ABCB5: variants seen among roughly 807,000 people sequenced by gnomAD.
ABCB5 encodes ATP binding cassette subfamily B member 5.
In ABCB5, 155 loss-of-function variants were observed where a neutral mutation model predicts 144.2. The ratio of observed to expected loss-of-function variants is 1.08; its 90% CI spans 0.94 to 1.23. The LOEUF is 1.23. Among genes scored for constraint, ABCB5 ranks in the 50% most tolerant of loss-of-function variants. The pLI is 0.00. For missense variants in ABCB5, 1,830 were observed against 1,520.8 expected (o/e 1.20, Z -3.38); for synonymous variants, 610 against 528.6 (o/e 1.15, Z -2.11).
intron 20 of ABCB5, among the ~76,000 whole-genome samples, chr7:20,706,537 C>A (rs774684491): frequency 2.1e-4 from 32 of 152,160 alleles, no homozygotes; most frequent in Non-Finnish European, 4.3e-4. Context: ...TGATTATAAG[C>A]ACCTGACTAA....
At chr7:20,640,202 A>G (rs77319515) in intron 5 of ABCB5, among the ~76,000 whole-genome samples, 2,480 of 152,308 alleles carry the variant, frequency 0.016, 59 homozygotes, top group African/African-American at 0.056. Context: ...TAAATTATTT[A>G]TGATAGTTAA....
At chr7:20,648,662 T>A (rs1385483514) in intron 11 of ABCB5, among the ~76,000 whole-genome samples, 1 of 152,210 alleles carries the variant, frequency 6.6e-6, no homozygotes. Context: ...TGTTAAAGAT[T>A]GCACAAGGCG....
chr7:20,728,470 TA>T lies in ABCB5; in HGVS notation c.2867+16del, dbSNP rs765806601. The T allele has an allele frequency of 6.2e-6, 10 of 1,613,410 alleles. No individual in the cohort carries two copies. The South Asian group carries it at 1.1e-4, about 18-fold the overall frequency. ...GGCATGTTCATGTAAGTCGTGGAAATAGTCCGGACCTGGTAGCTCACACCTG... is the reference window on the plus strand; with the variant it reads ...GGCATGTTCATGTAAGTCGTGGAAATGTCCGGACCTGGTAGCTCACACCTG... On this transcript the variant is annotated intron_variant, in intron 23 of 27. Coordinates refer to ENST00000404938, the MANE Select transcript of ABCB5 (RefSeq NM_001163941.2).
rs1425842089 is a variant in ABCB5 at position 20,618,905 on chromosome 7, G to A, written c.-22+3068G>A. ...TTCTCCTGCCTCAGCCACCCAAGTA[G>A]CTGAGACTACAGGCATGTACCACCA... On this transcript the variant is annotated intron_variant, in intron 1 of 27. Transcript: ENST00000404938. 2.0e-5 allele frequency among the ~76,000 whole-genome samples: 3 copies of A among 147,722 alleles called. No individual in the cohort carries two copies. The Middle Eastern group carries it at 0.011, about 524-fold the overall frequency.
chr7:20,644,550 T>C (rs1784362558), intron 7 of ABCB5, among the ~76,000 whole-genome samples: 1 of 152,244 alleles, frequency 6.6e-6, no homozygotes, highest in South Asian at 2.1e-4. Context: ...TGTAATCTTA[T>C]CTACAGCCTG....
chr7:20,755,351 C>T, intron 27 of ABCB5, 76 bp from the exon 28 acceptor site: 2 of 1,337,852 alleles, frequency 1.5e-6, no homozygotes, highest in Middle Eastern at 2.0e-4. Flanking sequence ...TATTAGACTA[C>T]CTTAATTGAT....
intron 16 of ABCB5, among the ~76,000 whole-genome samples, chr7:20,696,942 C>T (rs79294315): frequency 1.6e-3 from 246 of 152,114 alleles, no homozygotes; most frequent in African/African-American, 5.8e-3. Context: ...GAAGATAGCC[C>T]TCCTAATTTC....
chr7:20,707,552 G>T (rs1332137484), intron 20 of ABCB5, among the ~76,000 whole-genome samples: 1 of 152,038 alleles, frequency 6.6e-6, no homozygotes, highest in Non-Finnish European at 1.5e-5. Flanking sequence ...ACATTTTGGC[G>T]ATCTCTTTTC....
chr7:20,670,480 G>C (rs1785427719), intron 14 of ABCB5, among the ~76,000 whole-genome samples: 1 of 152,092 alleles, frequency 6.6e-6, no homozygotes, highest in African/African-American at 2.4e-5. Context: ...CTGGAAGGCA[G>C]TGAGTGGGAA....
intron 14 of ABCB5, among the ~76,000 whole-genome samples, chr7:20,663,580 G>C (rs943657602): frequency 6.6e-6 from 1 of 152,130 alleles, no homozygotes; most frequent in Non-Finnish European, 1.5e-5. Context: ...CTAGGGGCTT[G>C]GGGGATGGGA....
intron 14 of ABCB5, among the ~76,000 whole-genome samples, chr7:20,676,207 TAAG>T (rs1785602019): frequency 1.3e-5 from 2 of 151,462 alleles, no homozygotes; most frequent in African/African-American, 4.8e-5. Flanking sequence ...CACATATGTA[TAAG>T]AATACGCACA....
At chr7:20,674,202 T>C (rs578007199) in intron 14 of ABCB5, among the ~76,000 whole-genome samples, 12 of 151,974 alleles carry the variant, frequency 7.9e-5, no homozygotes, top group Non-Finnish European at 1.8e-4. Context: ...TTTTTCTCCA[T>C]GCACTACGGA....
Position 20,626,617 on chromosome 7 carries a change from T to C in ABCB5, c.108+6T>C, listed in dbSNP as rs910225145. The C allele has an allele frequency of 9.4e-6, 15 of 1,600,296 alleles. No homozygotes were observed. The highest frequency in any genetic ancestry group is 1.3e-5 in the Non-Finnish European group (15 of 1,173,284). On this transcript the variant is annotated splice_donor_region_variant and intron_variant, in intron 3 of 27. Transcript: ENST00000404938. ...CAGTTGGATCTATTGAGATAGTAAGTGAAATCAGTTAGAAAGTACATGCAT... is the reference window on the plus strand; with the variant it reads ...CAGTTGGATCTATTGAGATAGTAAGCGAAATCAGTTAGAAAGTACATGCAT...
At chr7:20,664,731 T>C (rs1282188431) in intron 14 of ABCB5, among the ~76,000 whole-genome samples, 1 of 152,152 alleles carries the variant, frequency 6.6e-6, no homozygotes, top group Non-Finnish European at 1.5e-5. Context: ...TTACCCACCA[T>C]TTACTTCATC....
At chr7:20,753,574 C>A in intron 27 of ABCB5, 68 bp downstream of exon 27, 1 of 1,517,790 alleles carries the variant, frequency 6.6e-7, no homozygotes. Flanking sequence ...TGGAGGAAAC[C>A]AAGGTAAGTT....
intron 14 of ABCB5, among the ~76,000 whole-genome samples, chr7:20,680,323 C>T (rs1785747507): frequency 6.6e-6 from 1 of 152,110 alleles, no homozygotes; most frequent in Non-Finnish European, 1.5e-5. Context: ...CTTTGGGAGG[C>T]CGAGGCGGGT....
intron 26 of ABCB5, among the ~76,000 whole-genome samples, chr7:20,750,830 C>T (rs1782901508): frequency 6.6e-6 from 1 of 152,176 alleles, no homozygotes; most frequent in Non-Finnish European, 1.5e-5. Flanking sequence ...CCACTTATCT[C>T]ATAGAAATAT....
At chr7:20,668,637 G>C (rs1243393591) in intron 14 of ABCB5, among the ~76,000 whole-genome samples, 1 of 148,852 alleles carries the variant, frequency 6.7e-6, no homozygotes, top group Non-Finnish European at 1.5e-5. Context: ...CCGTCCGGGA[G>C]GTGAGGGACT....
intron 2 of ABCB5, among the ~76,000 whole-genome samples, chr7:20,625,566 T>G (rs772598263): frequency 1.3e-5 from 2 of 152,202 alleles, no homozygotes; most frequent in African/African-American, 4.8e-5. Context: ...CATTTAAAGC[T>G]CAGATTTTGT....
Sources: gnomAD v4.1 joint callset for allele counts (sites outside exome capture counted in the v4.1 genomes callset) on GRCh38, gnomAD v4.1.1 for gene constraint, MANE v1.5 for transcripts, NCBI Gene and HGNC (gene_info 2026-07-23, HGNC 2026-07-21) for gene names.